CYREN: variants seen among roughly 807,000 people sequenced by gnomAD.
CYREN encodes cell cycle regulator of NHEJ.
A neutral mutation model predicts 9.7 loss-of-function variants in CYREN; 7 were observed. The observed-to-expected ratio is 0.72, with a 90% CI of 0.41 to 1.36. CYREN has a LOEUF of 1.36. CYREN is among the 40% of genes most tolerant of loss of function. The pLI is 0.01. For synonymous variants in CYREN, 76 were observed against 77.9 expected (o/e 0.98, Z 0.13); for missense variants, 215 against 198.1 (o/e 1.09, Z -0.51).
chr7:135,130,271 T>A (rs1246256217), intron 2 of CYREN, among the ~76,000 whole-genome samples: 3 of 152,360 alleles, frequency 2.0e-5, no homozygotes, highest in Non-Finnish European at 4.4e-5. Flanking sequence ...TTTGACCTGC[T>A]TTTCAGAATG....
chr7:135,114,421 T>A (rs1050939641), intron 2 of CYREN, among the ~76,000 whole-genome samples: 3 of 152,224 alleles, frequency 2.0e-5, no homozygotes, highest in Non-Finnish European at 4.4e-5. Flanking sequence ...AAACATTTTT[T>A]AAAATGTTAT....
chr7:135,169,659 CCT>C (rs1830504355), intron 1 of CYREN: 1 of 152,356 alleles, frequency 6.6e-6, no homozygotes, highest in East Asian at 1.9e-4. Flanking sequence ...TCTAGTTTGG[CCT>C]CTCTTTTCCC....
chr7:135,107,199 A>C (rs1026569249), intron 2 of CYREN, among the ~76,000 whole-genome samples: 6 of 151,622 alleles, frequency 4.0e-5, no homozygotes, highest in African/African-American at 1.5e-4. Flanking sequence ...TGGCTTTTTC[A>C]TGTCTCAGTC....
chr7:135,167,492 C>G, intron 3 of CYREN: 1 of 1,399,320 alleles, frequency 7.1e-7, no homozygotes, highest in Non-Finnish European at 9.3e-7. Context: ...CTAACACACA[C>G]ACGCCCTCCC....
At chr7:135,162,572 A>AG (rs1441935895), downstream of CYREN, among the ~76,000 whole-genome samples, 3 of 152,252 alleles carry the variant, frequency 2.0e-5, no homozygotes, top group African/African-American at 7.2e-5. Flanking sequence ...ACATGGCAGC[A>AG]GGCAAGAGAA....
upstream of CYREN, among the ~76,000 whole-genome samples, chr7:135,172,141 A>G (rs1249266235): frequency 2.0e-5 from 3 of 152,042 alleles, no homozygotes; most frequent in Admixed American, 6.6e-5. Context: ...TGGCCTGATC[A>G]CCCACGGTGT....
chr7:135,151,455 C>T lies in CYREN; in HGVS notation n.356+17294G>A, dbSNP rs1351035539. ...GGACTGGTGGCCTCTGACAAGTAAACCTGCGCCCTTGTTCTATGCCCTGGC... is the reference window on the plus strand; with the variant it reads ...GGACTGGTGGCCTCTGACAAGTAAATCTGCGCCCTTGTTCTATGCCCTGGC... On this transcript the variant is annotated intron_variant and non_coding_transcript_variant, in intron 2 of 2. Transcript: ENST00000459937. The surrounding 1 kb of genome is among the most constrained non-coding windows in gnomAD (Gnocchi z 4.3). Among the ~76,000 whole-genome samples the T allele has an allele frequency of 2.0e-5, 3 of 152,176 alleles. No homozygotes were observed. In the East Asian group the frequency reaches 5.8e-4, roughly 29 times the overall value.
chr7:135,104,485 G>C (rs1041750775), intron 2 of CYREN, among the ~76,000 whole-genome samples: 2 of 152,058 alleles, frequency 1.3e-5, no homozygotes, highest in Non-Finnish European at 2.9e-5. Flanking sequence ...TCTGTTTTTA[G>C]CTCCTTAAGG....
intron 1 of CYREN, among the ~76,000 whole-genome samples, chr7:135,170,097 C>A (rs905480825): frequency 6.6e-6 from 1 of 152,252 alleles, no homozygotes; most frequent in African/African-American, 2.4e-5. Context: ...AAACGAGGAA[C>A]TGAGACTTAG....
At chr7:135,167,204 T>C in intron 3 of CYREN, 2 of 985,380 alleles carry the variant, frequency 2.0e-6, no homozygotes, top group South Asian at 9.4e-5. Flanking sequence ...TGTGGGCCCA[T>C]GCCTTAGCAC....
intron 2 of CYREN, among the ~76,000 whole-genome samples, chr7:135,112,966 A>G (rs1158913252): frequency 2.6e-5 from 4 of 152,072 alleles, no homozygotes; most frequent in Non-Finnish European, 5.9e-5. Context: ...TAGTAGAGAC[A>G]GGGTTTCACC....
downstream of CYREN, among the ~76,000 whole-genome samples, chr7:135,162,236 T>G (rs1829960445): frequency 6.6e-6 from 1 of 152,180 alleles, no homozygotes; most frequent in Non-Finnish European, 1.5e-5. Flanking sequence ...CCTCAGAAAC[T>G]GATCATCAGG....
At chr7:135,103,671 G>T (rs1490179131) in intron 2 of CYREN, among the ~76,000 whole-genome samples, 1 of 152,172 alleles carries the variant, frequency 6.6e-6, no homozygotes, top group Non-Finnish European at 1.5e-5. Context: ...GGGAATAATA[G>T]ATATCTGTAG....
intron 2 of CYREN, among the ~76,000 whole-genome samples, chr7:135,109,999 AC>A (rs1306502499): frequency 9.9e-5 from 15 of 152,160 alleles, no homozygotes; most frequent in Non-Finnish European, 1.5e-5. Context: ...AGCATCAAAG[AC>A]CCATGTGAAA....
rs181251812 is a variant in CYREN, at chr7:135,103,873, C to T, written n.357-9291G>A. On this transcript the variant is annotated intron_variant and non_coding_transcript_variant, in intron 2 of 2. Transcript: ENST00000459937. ...TTGTAATTTTCTTCAACTGCTTCAA[C>T]TGCTTTATTTTTTTTTAATGTAAGG... Among the ~76,000 whole-genome samples, 11 of 152,142 alleles carry T rather than the reference C, an allele frequency of 7.2e-5. No homozygotes were observed. The East Asian group carries it at 2.1e-3, about 29-fold the overall frequency.
At chr7:135,165,585 C>T (rs1830079974), downstream of CYREN, 1 of 167,524 alleles carries the variant, frequency 6.0e-6, no homozygotes, top group African/African-American at 2.4e-5. Flanking sequence ...GGTACAAAGA[C>T]AAGGCTTGAC....
At chr7:135,111,208 T>C (rs1356113624) in intron 2 of CYREN, among the ~76,000 whole-genome samples, 1 of 152,182 alleles carries the variant, frequency 6.6e-6, no homozygotes, top group Non-Finnish European at 1.5e-5. Context: ...TTAAGGTTAA[T>C]TCATTCAGCA....
intron 2 of CYREN, among the ~76,000 whole-genome samples, chr7:135,102,362 T>TA (rs1335395213): frequency 1.3e-5 from 2 of 152,266 alleles, no homozygotes; most frequent in South Asian, 2.1e-4. Context: ...AAGTGTTTTA[T>TA]AAAAAACAGT....
chr7:135,163,513 CG>C (rs1304448696), downstream of CYREN, among the ~76,000 whole-genome samples: 3 of 151,970 alleles, frequency 2.0e-5, no homozygotes, highest in Admixed American at 1.3e-4. Flanking sequence ...GGCATGGTGG[CG>C]GGTGCCTGTA....
Sources: allele counts gnomAD v4.1 joint callset (sites outside exome capture counted in the v4.1 genomes callset), GRCh38; gene constraint gnomAD v4.1.1; non-coding constraint Gnocchi (gnomAD v3.1); transcripts MANE v1.5; gene names NCBI Gene and HGNC (gene_info 2026-07-23, HGNC 2026-07-21).